SPAG16: variants seen among roughly 807,000 people sequenced by gnomAD.
The protein encoded by SPAG16 is sperm-associated antigen 16 protein.
In SPAG16, 86 loss-of-function variants were observed where a neutral mutation model predicts 80.4. That is an observed-to-expected ratio of 1.07 (90% CI 0.90 to 1.28). The LOEUF (loss-of-function observed/expected upper bound fraction) is 1.28. Ranked by LOEUF, SPAG16 falls within the 50% of genes most tolerant of loss-of-function variation. The probability of loss-of-function intolerance (pLI) is 0.00; values close to 1 mark genes in which losing one functional copy is unlikely to be tolerated. For missense variants in SPAG16, 870 were observed against 765.3 expected (o/e 1.14, Z -1.61); for synonymous variants, 294 against 265.9 (o/e 1.11, Z -1.03).
chr2:213,466,028 CAGA>C (rs2072673081), intron 9 of SPAG16, among the ~76,000 whole-genome samples: 1 of 152,204 alleles, frequency 6.6e-6, no homozygotes, highest in Non-Finnish European at 1.5e-5. Flanking sequence ...TAAAAGCAGA[CAGA>C]AGAATGGAAA....
chr2:213,813,207 A>C (rs2072289490), intron 10 of SPAG16, among the ~76,000 whole-genome samples: 1 of 152,220 alleles, frequency 6.6e-6, no homozygotes, highest in African/African-American at 2.4e-5. Context: ...GGGGCCATAA[A>C]CACCTTCAAA....
At chr2:214,163,745 T>C (rs2056545952) in intron 15 of SPAG16, among the ~76,000 whole-genome samples, 1 of 151,912 alleles carries the variant, frequency 6.6e-6, no homozygotes, top group Non-Finnish European at 1.5e-5. Context: ...GCAAACAGTC[T>C]AGAGGCTCAG....
chr2:214,381,974 A>G (rs886784065), intron 15 of SPAG16, among the ~76,000 whole-genome samples: 18 of 152,184 alleles, frequency 1.2e-4, no homozygotes, highest in African/African-American at 4.1e-4. Context: ...ACTGACTTGG[A>G]TTTGTTCCTT....
intron 15 of SPAG16, among the ~76,000 whole-genome samples, chr2:214,349,305 T>C (rs1488846688): frequency 6.6e-6 from 1 of 152,250 alleles, no homozygotes; most frequent in Non-Finnish European, 1.5e-5. Context: ...AGGAAAACTA[T>C]AGATTCATTT....
chr2:213,688,601 T>C (rs1039992889), intron 10 of SPAG16, among the ~76,000 whole-genome samples: 1 of 152,226 alleles, frequency 6.6e-6, no homozygotes. Flanking sequence ...TGAGAATTTA[T>C]GGTTTGTAGG....
intron 15 of SPAG16, among the ~76,000 whole-genome samples, chr2:214,228,354 G>A (rs996218246): frequency 2.0e-5 from 3 of 151,768 alleles, no homozygotes; most frequent in African/African-American, 4.8e-5. Flanking sequence ...TATCACAGCT[G>A]ATCAAGTAAT....
chr2:213,887,612 A>G (rs1296295181), intron 11 of SPAG16, among the ~76,000 whole-genome samples: 1 of 151,738 alleles, frequency 6.6e-6, no homozygotes, highest in African/African-American at 2.4e-5. Flanking sequence ...CTGCAGTTTA[A>G]TTTACCTTTT....
chr2:213,911,477 T>C (rs942008323), intron 11 of SPAG16, among the ~76,000 whole-genome samples: 2 of 152,170 alleles, frequency 1.3e-5, no homozygotes. Context: ...TCTATAGTTA[T>C]GTAAAGTCTG....
chr2:213,341,250 A>G (rs1046830540), intron 6 of SPAG16, among the ~76,000 whole-genome samples: 17 of 152,150 alleles, frequency 1.1e-4, no homozygotes, highest in Admixed American at 3.9e-4. Context: ...CAAAACTTCA[A>G]TGATGCCATC....
intron 4 of SPAG16, among the ~76,000 whole-genome samples, chr2:213,315,947 G>A (rs2063382787): frequency 6.6e-6 from 1 of 151,816 alleles, no homozygotes; most frequent in African/African-American, 2.4e-5. Context: ...CTCACTCCTA[G>A]GACCTCTTCA....
intron 10 of SPAG16, among the ~76,000 whole-genome samples, chr2:213,501,588 A>G (rs959805755): frequency 6.6e-6 from 1 of 152,212 alleles, no homozygotes; most frequent in Admixed American, 6.5e-5. Flanking sequence ...TGCTCTGTGT[A>G]TTTAAACAGA....
At chr2:213,459,039 G>C (rs74537846) in intron 9 of SPAG16, among the ~76,000 whole-genome samples, 3,560 of 152,178 alleles carry the variant, frequency 0.023, 59 homozygotes, top group South Asian at 0.038. Flanking sequence ...CAACCTGGGA[G>C]TCCAATTTAC....
intron 10 of SPAG16, among the ~76,000 whole-genome samples, chr2:213,589,312 A>T (rs1455244672): frequency 6.6e-6 from 1 of 152,238 alleles, no homozygotes; most frequent in Non-Finnish European, 1.5e-5. Flanking sequence ...ATAAGCATAT[A>T]TTCCCGTTTG....
At chr2:213,894,690 C>T (rs2076919953) in intron 11 of SPAG16, among the ~76,000 whole-genome samples, 1 of 152,048 alleles carries the variant, frequency 6.6e-6, no homozygotes, top group South Asian at 2.1e-4. Flanking sequence ...AGATTCTATA[C>T]TTAGAAAAAC....
At chr2:214,315,529 ATTTATTTATTTAT>A (rs1382474883) in intron 15 of SPAG16, among the ~76,000 whole-genome samples, 3 of 149,890 alleles carry the variant, frequency 2.0e-5, no homozygotes, top group African/African-American at 2.5e-5. Context: ...TTATTTATTT[ATTTATTTATTTAT>A]TTATTTTGAA....
intron 9 of SPAG16, among the ~76,000 whole-genome samples, chr2:213,428,285 C>T (rs918924356): frequency 6.6e-6 from 1 of 152,090 alleles, no homozygotes; most frequent in Non-Finnish European, 1.5e-5. Flanking sequence ...ACTGGGGAGC[C>T]GTACAATCCA....
intron 11 of SPAG16, among the ~76,000 whole-genome samples, chr2:213,871,956 T>C (rs371580290): frequency 6.6e-6 from 1 of 151,818 alleles, no homozygotes; most frequent in Non-Finnish European, 1.5e-5. Flanking sequence ...AATTTCAAAT[T>C]ATTTAAAATG....
At chr2:213,926,901 A>G (rs1357479488) in intron 11 of SPAG16, among the ~76,000 whole-genome samples, 1 of 152,218 alleles carries the variant, frequency 6.6e-6, no homozygotes, top group African/African-American at 2.4e-5. Context: ...CTTGGGCTGT[A>G]TACCAACAGC....
At chr2:213,713,750 T>C (rs2125368612) in intron 10 of SPAG16, among the ~76,000 whole-genome samples, 1 of 152,264 alleles carries the variant, frequency 6.6e-6, no homozygotes, top group Middle Eastern at 3.4e-3. Context: ...AGATAGAAGG[T>C]GAGAGTGATT....
Sources: allele counts gnomAD v4.1 joint callset (sites outside exome capture counted in the v4.1 genomes callset), GRCh38; gene constraint gnomAD v4.1.1; transcripts MANE v1.5; gene names NCBI Gene and HGNC (gene_info 2026-07-23, HGNC 2026-07-21).